NOL4: variants seen among roughly 807,000 people sequenced by gnomAD.
The protein encoded by NOL4 is nucleolar protein 4, also known as cancer/testis antigen 125.
Under a neutral mutation model 75.9 loss-of-function variants are expected in NOL4, and 17 were observed. The observed-to-expected ratio is 0.22, with a 90% confidence interval of 0.15 to 0.34. NOL4 has a LOEUF of 0.34. Ranked by LOEUF, NOL4 falls within the 10% of genes least tolerant of loss-of-function variation. The probability of loss-of-function intolerance (pLI) is 1.00; values close to 1 mark genes in which losing one functional copy is unlikely to be tolerated. For missense variants in NOL4, 614 were observed against 793.5 expected (o/e 0.77, Z 2.72); for synonymous variants, 292 against 289.9 (o/e 1.01, Z -0.07).
chr18:34,112,327 CCACTG>C (rs907773575), intron 2 of NOL4, among the ~76,000 whole-genome samples: 29 of 151,856 alleles, frequency 1.9e-4, no homozygotes, highest in African/African-American at 7.0e-4. Flanking sequence ...CAAGATTGTG[CCACTG>C]CACTCTAGCC....
intron 5 of NOL4, among the ~76,000 whole-genome samples, chr18:34,066,589 A>T (rs2077284393): frequency 6.6e-6 from 1 of 151,976 alleles, no homozygotes; most frequent in Non-Finnish European, 1.5e-5. Flanking sequence ...GAAAGCTTGC[A>T]TGTCAAATCA....
At chr18:34,154,642 T>C (rs1239248856) in intron 1 of NOL4, among the ~76,000 whole-genome samples, 1 of 151,986 alleles carries the variant, frequency 6.6e-6, no homozygotes, top group Non-Finnish European at 1.5e-5. Flanking sequence ...GCTATAACGG[T>C]TTCATTCGTG....
intron 9 of NOL4, among the ~76,000 whole-genome samples, chr18:33,898,925 AG>A (rs2065583952): frequency 1.3e-5 from 2 of 152,132 alleles, no homozygotes; most frequent in South Asian, 4.2e-4. Flanking sequence ...GACAGTGAAA[AG>A]CAGGCCTAAC....
At chr18:34,036,444 A>T (rs1458984267) in intron 5 of NOL4, among the ~76,000 whole-genome samples, 3 of 152,216 alleles carry the variant, frequency 2.0e-5, no homozygotes, top group Non-Finnish European at 4.4e-5. Context: ...AATTAGGCAT[A>T]GAAGGACCAT....
At chr18:34,188,300 C>T (rs2034646770) in intron 1 of NOL4, among the ~76,000 whole-genome samples, 1 of 152,146 alleles carries the variant, frequency 6.6e-6, no homozygotes, top group Non-Finnish European at 1.5e-5. Flanking sequence ...AGGGCAAATT[C>T]AGTCTCAGGG....
At chr18:33,955,194 AT>A (rs1401725326) in intron 8 of NOL4, among the ~76,000 whole-genome samples, 1 of 152,062 alleles carries the variant, frequency 6.6e-6, no homozygotes, top group Non-Finnish European at 1.5e-5. Flanking sequence ...GGCTAGGTAT[AT>A]TTTTGATATA....
At chr18:33,883,129 C>T (rs749264410) in intron 10 of NOL4, 115 bp downstream of exon 10, 5 of 685,626 alleles carry the variant, frequency 7.3e-6, no homozygotes, top group African/African-American at 3.7e-5. Context: ...GTGGGTGCAG[C>T]GCACCAGCAT....
At chr18:33,915,271 G>A (rs968912971) in intron 9 of NOL4, among the ~76,000 whole-genome samples, 2 of 152,026 alleles carry the variant, frequency 1.3e-5, no homozygotes, top group Non-Finnish European at 2.9e-5. Context: ...GCAAAAACCT[G>A]ACTTGGTTCA....
At chr18:34,095,222 G>A (rs549137768) in intron 4 of NOL4, among the ~76,000 whole-genome samples, 3 of 147,988 alleles carry the variant, frequency 2.0e-5, no homozygotes, top group Non-Finnish European at 4.5e-5. Flanking sequence ...AATACATTAT[G>A]TTTACTCCAA....
At chr18:33,871,604 A>G (rs901701148) in intron 10 of NOL4, among the ~76,000 whole-genome samples, 3 of 152,048 alleles carry the variant, frequency 2.0e-5, no homozygotes, top group African/African-American at 7.2e-5. Context: ...TCACCTGGAA[A>G]GACCCTAAAC....
In NOL4 at chr18:33,852,421, T is replaced by C. The variant is rs1288206191; in HGVS notation, c.*421A>G. 2 of 151,778 alleles carry C rather than the reference T, an allele frequency of 1.3e-5. No individual in the cohort carries two copies. 9.4% of individuals were successfully genotyped at this position (151,778 alleles called of 1,614,324 possible). A position where few individuals can be genotyped will look rare whatever the true frequency, so the allele number is the denominator to read the frequency against. On this transcript the variant is annotated 3_prime_UTR_variant, in exon 11 of 11. Transcript: ENST00000261592. ...TTATATCCTGTAGCAACAAGAAATT[T>C]GGCTTTTTTTTTTCTTTTTTTTTTT...
intron 10 of NOL4, 43 bp from the exon 11 acceptor site, chr18:33,853,078 G>T: frequency 2.6e-6 from 4 of 1,514,512 alleles, no homozygotes; most frequent in Non-Finnish European, 3.6e-6. Context: ...AATATTATTT[G>T]TTCCAGCATC....
At position 34,166,894 on chromosome 18, in the gene NOL4, C is replaced by T. The variant is rs1314765627; in HGVS notation, c.265-36874G>A. Among the ~76,000 whole-genome samples, 11 of 95,442 alleles carry T rather than the reference C, an allele frequency of 1.2e-4. 3 individuals are homozygous for T. The highest frequency in any genetic ancestry group is 3.0e-4 in the South Asian group (1 of 3,288). The allele number at this position is 95,442 out of a possible 152,430, so 62.6% of individuals were successfully genotyped here. A position where few individuals can be genotyped will look rare whatever the true frequency, so the allele number is the denominator to read the frequency against. ...CTACTAAAAAATACAAAAAATTAGCCGGGCGCGGTGGCAGGCGCCTGTAGT... is the reference window on the plus strand; with the variant it reads ...CTACTAAAAAATACAAAAAATTAGCTGGGCGCGGTGGCAGGCGCCTGTAGT... On this transcript the variant is annotated intron_variant, in intron 1 of 10. Coordinates refer to ENST00000261592, the MANE Select transcript of NOL4 (RefSeq NM_003787.5).
intron 9 of NOL4, among the ~76,000 whole-genome samples, chr18:33,909,864 A>G (rs2066288624): frequency 6.6e-6 from 1 of 152,168 alleles, no homozygotes; most frequent in African/African-American, 2.4e-5. Flanking sequence ...TGCAGTGATA[A>G]CCATTAATAA....
intron 6 of NOL4, among the ~76,000 whole-genome samples, chr18:33,967,572 C>T (rs2070706444): frequency 6.6e-6 from 1 of 152,128 alleles, no homozygotes; most frequent in Non-Finnish European, 1.5e-5. Flanking sequence ...ATTCATCCAA[C>T]AAAGTTCTAA....
intron 1 of NOL4, chr18:34,221,062 A>T (rs1159627445): frequency 6.6e-6 from 1 of 152,188 alleles, no homozygotes; most frequent in African/African-American, 2.4e-5. Context: ...AAAATAGTCA[A>T]TCCTTTAAAA....
intron 8 of NOL4, 103 bp downstream of exon 8, chr18:33,957,223 G>A: frequency 1.0e-6 from 1 of 964,026 alleles, no homozygotes; most frequent in East Asian, 2.5e-5. Flanking sequence ...CTGACATTAT[G>A]GAAAAAAATA....
intron 1 of NOL4, among the ~76,000 whole-genome samples, chr18:34,207,026 G>C (rs185674405): frequency 6.6e-6 from 1 of 151,802 alleles, no homozygotes; most frequent in Admixed American, 6.6e-5. Context: ...TTTTTATCAT[G>C]TATTTTTTAA....
intron 2 of NOL4, among the ~76,000 whole-genome samples, chr18:34,110,855 A>T (rs536718149): frequency 1.1e-4 from 16 of 152,252 alleles, no homozygotes; most frequent in African/African-American, 3.1e-4. Flanking sequence ...AAAAATCAGG[A>T]TACAAAATCA....
Sources: allele counts gnomAD v4.1 joint callset (sites outside exome capture counted in the v4.1 genomes callset), GRCh38; gene constraint gnomAD v4.1.1; transcripts MANE v1.5; gene names NCBI Gene and HGNC (gene_info 2026-07-23, HGNC 2026-07-21).